NSL1: variants seen among roughly 807,000 people sequenced by gnomAD.
The protein encoded by NSL1 is NSL1 component of MIS12 kinetochore complex, also known as kinetochore-associated protein NSL1 homolog.
NSL1 carries 11 observed loss-of-function variants against 25.4 expected under a neutral mutation model. The ratio of observed to expected loss-of-function variants is 0.43; its 90% confidence interval spans 0.27 to 0.72. The LOEUF is 0.72. Among genes scored for constraint, NSL1 ranks in the 30% least tolerant of loss-of-function variants. The pLI is 0.19. For synonymous variants in NSL1, 118 were observed against 120.6 expected (o/e 0.98, Z 0.14); for missense variants, 330 against 342.7 (o/e 0.96, Z 0.29).
chr1:212,752,316 T>A (rs905701234), intron 4 of NSL1, among the ~76,000 whole-genome samples: 2 of 152,162 alleles, frequency 1.3e-5, no homozygotes, highest in African/African-American at 2.4e-5. Context: ...CAGACTTACA[T>A]GAATTTTTAA....
intron 4 of NSL1, among the ~76,000 whole-genome samples, chr1:212,744,593 A>G (rs1431392333): frequency 6.6e-6 from 1 of 152,220 alleles, no homozygotes; most frequent in Non-Finnish European, 1.5e-5. Context: ...CAATTATCTT[A>G]ATATGCTCAA....
chr1:212,788,102 T>G (rs1661022231), intron 1 of NSL1, among the ~76,000 whole-genome samples: 1 of 152,172 alleles, frequency 6.6e-6, no homozygotes, highest in South Asian at 2.1e-4. Flanking sequence ...TGACATGAGA[T>G]CTAAGATATG....
At chr1:212,739,503 T>C (rs927391160) in intron 5 of NSL1, 31 bp downstream of exon 5, 15 of 1,606,374 alleles carry the variant, frequency 9.3e-6, no homozygotes, top group Non-Finnish European at 1.3e-5. Flanking sequence ...ATTTTGTTCA[T>C]TTGATAATTT....
intron 4 of NSL1, among the ~76,000 whole-genome samples, chr1:212,752,661 G>A (rs1403053479): frequency 2.0e-5 from 3 of 152,196 alleles, no homozygotes; most frequent in African/African-American, 4.8e-5. Context: ...CAGCTCATCA[G>A]TAGATTGCTA....
chr1:212,728,330 T>C lies in NSL1; in HGVS notation c.*10078A>G. 5.1e-6 allele frequency: 5 copies of C among 985,184 alleles called. No individual in the cohort carries two copies. Among genetic ancestry groups the C allele is most frequent in the Non-Finnish European group, 6.0e-6 (5 of 829,668 alleles). 61.0% of individuals were successfully genotyped at this position (985,184 alleles called of 1,614,324 possible). On this transcript the variant is annotated 3_prime_UTR_variant, in exon 6 of 6. Transcript: ENST00000366977. ...CCAGGCATAAAGTGGATTCTTTATA[T>C]GCCTGTTTTAAAAATATGCTGCTTT...
At chr1:212,756,771 G>C (rs1242278780) in intron 4 of NSL1, among the ~76,000 whole-genome samples, 3 of 152,118 alleles carry the variant, frequency 2.0e-5, no homozygotes, top group Non-Finnish European at 4.4e-5. Flanking sequence ...AGTGAGCTGA[G>C]AGCGTGCCAC....
chr1:212,778,397 C>G (rs1660480526), intron 4 of NSL1, among the ~76,000 whole-genome samples: 1 of 145,322 alleles, frequency 6.9e-6, no homozygotes, highest in South Asian at 2.3e-4. Flanking sequence ...AGTTTTCGCT[C>G]TCTCCTCTCT....
At chr1:212,742,683 A>G (rs1258321560) in intron 4 of NSL1, among the ~76,000 whole-genome samples, 1 of 152,332 alleles carries the variant, frequency 6.6e-6, no homozygotes, top group East Asian at 1.9e-4. Flanking sequence ...TAGGCAAAAT[A>G]TTAATACAAG....
rs1377762852 is a variant in NSL1 at position 212,739,559 on chromosome 1, G to T, written c.542C>A (p.Ala181Glu). Residue 181 changes from alanine to glutamate, a missense_variant, in exon 5 of 6, where the codon GCA becomes GAA. Coordinates refer to ENST00000366977, the MANE Select transcript of NSL1 (RefSeq NM_015471.4). ...CTTCATGGCTTCACTGATCTCCTTT[G>T]CTACTGTTTCCCCTCTGCATTTCAA... The part of the protein sequence containing the change: ...ENLKCRGETV[A>E]KEISEAMKSL... The T allele has an allele frequency of 2.5e-6, 4 of 1,613,478 alleles. No individual in the cohort carries two copies. Among genetic ancestry groups the T allele is most frequent in the Non-Finnish European group, 3.4e-6 (4 of 1,179,706 alleles).
At chr1:212,774,583 C>T (rs1374575950) in intron 4 of NSL1, among the ~76,000 whole-genome samples, 1 of 152,092 alleles carries the variant, frequency 6.6e-6, no homozygotes, top group African/African-American at 2.4e-5. Flanking sequence ...GCACATGAAA[C>T]GATGCTCAAC....
intron 4 of NSL1, among the ~76,000 whole-genome samples, chr1:212,771,724 C>T (rs1327622128): frequency 6.6e-6 from 1 of 151,118 alleles, no homozygotes; most frequent in Non-Finnish European, 1.5e-5. Context: ...AATGAACTAG[C>T]TAAAGAAGAA....
chr1:212,775,913 C>T (rs1245003751), intron 4 of NSL1, among the ~76,000 whole-genome samples: 2 of 151,982 alleles, frequency 1.3e-5, no homozygotes, highest in South Asian at 4.2e-4. Flanking sequence ...CTGACAGCTC[C>T]GCCTCCCAGG....
chr1:212,744,058 G>C (rs757140221), intron 4 of NSL1, among the ~76,000 whole-genome samples: 2 of 152,194 alleles, frequency 1.3e-5, no homozygotes, highest in Non-Finnish European at 2.9e-5. Flanking sequence ...GAAAGGTAAC[G>C]AAGCAGCAGA....
intron 4 of NSL1, among the ~76,000 whole-genome samples, chr1:212,761,410 G>C (rs6694887): frequency 0.65 from 99,508 of 152,004 alleles, 32,981 homozygotes; most frequent in Non-Finnish European, 0.69. Context: ...AATTATTAGG[G>C]AGGAGGATCG....
chr1:212,732,736 A>G lies in NSL1; in HGVS notation c.*5672T>C. 1.3e-6 allele frequency: 1 copy of G among 793,854 alleles called. No homozygotes were observed. The highest frequency in any genetic ancestry group is 1.5e-6 in the Non-Finnish European group (1 of 654,858). The allele number at this position is 793,854 out of a possible 1,614,324, so 49.2% of individuals were successfully genotyped here. Reference sequence around the variant, plus strand: ...CTGCTTTTTTGGTTTACCCTTTGGAATAGAGCACAGCCCCTGGTAGAACCC... The same window carrying G: ...CTGCTTTTTTGGTTTACCCTTTGGAGTAGAGCACAGCCCCTGGTAGAACCC... On this transcript the variant is annotated 3_prime_UTR_variant, in exon 6 of 6. Coordinates refer to ENST00000366977, the MANE Select transcript of NSL1 (RefSeq NM_015471.4).
At position 212,730,765 on chromosome 1, in the gene NSL1, G is replaced by A. The variant is rs1014265567; in HGVS notation, c.*7643C>T. On this transcript the variant is annotated 3_prime_UTR_variant, in exon 6 of 6. Coordinates refer to ENST00000366977, the MANE Select transcript of NSL1 (RefSeq NM_015471.4). ...TAGTAGACGTAGTTCTAGTAGACAGGAGACTCTGGAGTCCTAATTCAGGTC... is the reference window on the plus strand; with the variant it reads ...TAGTAGACGTAGTTCTAGTAGACAGAAGACTCTGGAGTCCTAATTCAGGTC... 1.0e-6 allele frequency: 1 copy of A among 985,366 alleles called. No individual in the cohort carries two copies. Among genetic ancestry groups the A allele is most frequent in the Non-Finnish European group, 1.2e-6 (1 of 829,912 alleles). The allele number at this position is 985,366 out of a possible 1,614,324, so 61.0% of individuals were successfully genotyped here.
chr1:212,746,836 G>A (rs1016037677), intron 4 of NSL1, among the ~76,000 whole-genome samples: 1 of 152,212 alleles, frequency 6.6e-6, no homozygotes, highest in African/African-American at 2.4e-5. Context: ...GCATCCATAT[G>A]TGTGGTAGTC....
intron 4 of NSL1, among the ~76,000 whole-genome samples, chr1:212,779,235 GGGT>G (rs1253419117): frequency 1.4e-3 from 200 of 142,598 alleles, no homozygotes; most frequent in Admixed American, 3.0e-3. Context: ...GGGAGGTGGG[GGGT>G]GGGGTCAGCC....
intron 4 of NSL1, among the ~76,000 whole-genome samples, chr1:212,742,084 C>T (rs1658534038): frequency 6.6e-6 from 1 of 152,126 alleles, no homozygotes; most frequent in African/African-American, 2.4e-5. Context: ...GTAAAGATCC[C>T]ATTACTATTC....
Sources: gnomAD v4.1 joint callset for allele counts (sites outside exome capture counted in the v4.1 genomes callset) on GRCh38, gnomAD v4.1.1 for gene constraint, MANE v1.5 for transcripts, NCBI Gene and HGNC (gene_info 2026-07-23, HGNC 2026-07-21) for gene names.